LARGE1: variants seen among roughly 807,000 people sequenced by gnomAD.
LARGE1 encodes xylosyl- and glucuronyltransferase LARGE1.
LARGE1 carries 43 observed loss-of-function variants against 87.6 expected under a neutral mutation model. The observed-to-expected ratio is 0.49, with a 90% confidence interval of 0.38 to 0.63. The LOEUF (loss-of-function observed/expected upper bound fraction) is 0.63, where lower values mean the gene tolerates loss of function less well. Among genes scored for constraint, LARGE1 ranks in the 30% least tolerant of loss-of-function variants. The pLI is 0.00. For synonymous variants in LARGE1, 434 were observed against 394.6 expected, an observed-to-expected ratio of 1.10 and a Z score of -1.18; for missense variants, 802 against 1,000.2, an observed-to-expected ratio of 0.80 and a Z score of 2.67.
chr22:33,827,365 G>C (rs1203365647), intron 1 of LARGE1, among the ~76,000 whole-genome samples: 1 of 151,706 alleles, frequency 6.6e-6, no homozygotes, highest in Non-Finnish European at 1.5e-5. Flanking sequence ...GCAAGACCCG[G>C]TCTCAAAAAA....
intron 12 of LARGE1, among the ~76,000 whole-genome samples, chr22:33,291,639 T>A (rs1307155581): frequency 6.6e-6 from 1 of 151,534 alleles, no homozygotes; most frequent in Non-Finnish European, 1.5e-5. Flanking sequence ...ATGTATTACA[T>A]CAATACATAC....
At chr22:33,251,760 A>C (rs1927017128) in intron 11 of LARGE1, among the ~76,000 whole-genome samples, 1 of 152,186 alleles carries the variant, frequency 6.6e-6, no homozygotes, top group Non-Finnish European at 1.5e-5. Context: ...GGTGATGGAA[A>C]TTTGCACAGT....
intron 6 of LARGE1, among the ~76,000 whole-genome samples, chr22:33,451,263 C>T (rs759719971): frequency 7.9e-5 from 12 of 151,938 alleles, no homozygotes; most frequent in African/African-American, 1.5e-4. Flanking sequence ...GGGTGGGCAG[C>T]GGTGGGAGAG....
At chr22:33,626,067 G>T (rs557570773) in intron 4 of LARGE1, among the ~76,000 whole-genome samples, 177 bp downstream of exon 4, 1 of 152,154 alleles carries the variant, frequency 6.6e-6, no homozygotes, top group Non-Finnish European at 1.5e-5. Flanking sequence ...GCACCTAATC[G>T]CTGTCATTAA....
chr22:33,089,297 TCTTCC>T, the LARGE1 span, among the ~76,000 whole-genome samples: 20 of 150,674 alleles, frequency 1.3e-4, no homozygotes, highest in African/African-American at 4.7e-4. Flanking sequence ...TTCTTCTTCT[TCTTCC>T]TCTTCTTCTT....
chr22:33,921,792 G>A (rs889563769), upstream of LARGE1, among the ~76,000 whole-genome samples: 1 of 152,140 alleles, frequency 6.6e-6, no homozygotes, highest in Non-Finnish European at 1.5e-5. The surrounding 1 kb of genome is among the most constrained non-coding windows in gnomAD (Gnocchi z 4.1). Context: ...CCCAGTTCTA[G>A]GGACCAGGGT....
At chr22:33,663,501 T>C (rs240348) in intron 2 of LARGE1, among the ~76,000 whole-genome samples, 112,716 of 152,078 alleles carry the variant, frequency 0.74, 42,996 homozygotes, top group African/African-American at 0.93. Context: ...AAGTAACAGG[T>C]GCAGAGGACC....
chr22:33,812,685 T>C (rs1460436871), intron 1 of LARGE1, among the ~76,000 whole-genome samples: 2 of 152,210 alleles, frequency 1.3e-5, no homozygotes, highest in Non-Finnish European at 2.9e-5. Context: ...TATTACCAAG[T>C]TTCCCTTTGT....
At chr22:33,861,388 A>G (rs1041386147) in intron 1 of LARGE1, among the ~76,000 whole-genome samples, 31 of 151,204 alleles carry the variant, frequency 2.1e-4, no homozygotes, top group African/African-American at 7.6e-4. Flanking sequence ...TCACCCACCT[A>G]CACACACACA....
upstream of LARGE1, chr22:33,922,410 C>G (rs1216230064): frequency 1.3e-5 from 2 of 152,260 alleles, no homozygotes; most frequent in African/African-American, 4.8e-5. Flanking sequence ...CCTCCAGCCT[C>G]GTGAAACAAC....
At chr22:33,747,679 G>C (rs966855622) in intron 2 of LARGE1, 1 of 152,322 alleles carries the variant, frequency 6.6e-6, no homozygotes, top group African/African-American at 2.4e-5. Flanking sequence ...GGAAAACTAA[G>C]CTCCATGAGA....
chr22:33,479,281 T>C (rs1054995162), intron 6 of LARGE1, among the ~76,000 whole-genome samples: 1 of 152,150 alleles, frequency 6.6e-6, no homozygotes, highest in Non-Finnish European at 1.5e-5. Context: ...CATGGTCTTG[T>C]TTATTGGTAT....
intron 1 of LARGE1, among the ~76,000 whole-genome samples, chr22:33,860,844 C>T (rs549327903): frequency 6.6e-6 from 1 of 152,306 alleles, no homozygotes; most frequent in East Asian, 1.9e-4. Flanking sequence ...TGCCTGCAAG[C>T]TGGAGTCAGC....
chr22:33,101,198 A>T, the LARGE1 span, among the ~76,000 whole-genome samples: 1 of 152,116 alleles, frequency 6.6e-6, no homozygotes, highest in Non-Finnish European at 1.5e-5. Context: ...TTGGAGGTAG[A>T]ATGCCTGCAG....
chr22:33,294,131 G>A (rs1932928499), intron 12 of LARGE1, among the ~76,000 whole-genome samples: 1 of 152,198 alleles, frequency 6.6e-6, no homozygotes, highest in South Asian at 2.1e-4. Context: ...CAGGGGTTGG[G>A]GAATTCCCCA....
chr22:33,914,468 G>A (rs974488042), intron 1 of LARGE1, among the ~76,000 whole-genome samples: 1 of 152,162 alleles, frequency 6.6e-6, no homozygotes, highest in Non-Finnish European at 1.5e-5. Context: ...TGTTGCTGTT[G>A]TTTTTAATCA....
At chr22:33,838,822 A>G (rs1468789978) in intron 1 of LARGE1, among the ~76,000 whole-genome samples, 1 of 152,124 alleles carries the variant, frequency 6.6e-6, no homozygotes, top group Non-Finnish European at 1.5e-5. Context: ...TTGTGTCTGC[A>G]GAATTAATCC....
At chr22:33,877,079 A>C (rs1304027915) in intron 1 of LARGE1, among the ~76,000 whole-genome samples, 6 of 152,144 alleles carry the variant, frequency 3.9e-5, no homozygotes, top group Admixed American at 3.9e-4. Context: ...ACCCCAAAGC[A>C]TCCTCTCTGC....
intron 11 of LARGE1, among the ~76,000 whole-genome samples, chr22:33,262,902 G>T (rs1037445114): frequency 7.7e-6 from 1 of 129,820 alleles, no homozygotes; most frequent in East Asian, 2.5e-4. Flanking sequence ...CTCCCCTTCC[G>T]TTCTTTCTTT....
Sources: allele counts gnomAD v4.1 joint callset (sites outside exome capture counted in the v4.1 genomes callset), GRCh38; gene constraint gnomAD v4.1.1; non-coding constraint Gnocchi (gnomAD v3.1); transcripts MANE v1.5; gene names NCBI Gene and HGNC (gene_info 2026-07-23, HGNC 2026-07-21).